GALM: variants seen among roughly 807,000 people sequenced by gnomAD.
The protein encoded by GALM is aldose 1-epimerase.
A neutral mutation model predicts 37.4 loss-of-function variants in GALM; 43 were observed. The ratio of observed to expected loss-of-function variants is 1.15; its 90% CI spans 0.90 to 1.48. The LOEUF (loss-of-function observed/expected upper bound fraction) is 1.48, where lower values mean the gene tolerates loss of function less well. GALM is among the 40% of genes most tolerant of loss of function. The pLI, the probability that GALM is intolerant of heterozygous loss-of-function variation, is 0.00. For missense variants in GALM, 456 were observed against 419.1 expected (o/e 1.09, Z -0.77); for synonymous variants, 199 against 170.6 (o/e 1.17, Z -1.30).
At chr2:38,689,055 G>T (rs927953181) in intron 3 of GALM, among the ~76,000 whole-genome samples, 4 of 152,186 alleles carry the variant, frequency 2.6e-5, no homozygotes, top group Non-Finnish European at 5.9e-5. Flanking sequence ...CCTGACCTCA[G>T]GTGATCCGCC....
chr2:38,675,526 G>GTTT lies in GALM; in HGVS notation c.191-370_191-368dup, dbSNP rs869119386. Among the ~76,000 whole-genome samples, 10 of 74,618 alleles carry GTTT rather than the reference G, an allele frequency of 1.3e-4. 1 individual carries two copies. Among genetic ancestry groups the GTTT allele is most frequent in the African/African-American group, 5.1e-4 (9 of 17,746 alleles). The allele number at this position is 74,618 out of a possible 152,430, so 49.0% of individuals were successfully genotyped here. A position where few individuals can be genotyped will look rare whatever the true frequency, so the allele number is the denominator to read the frequency against. ...ACACCTTTGGATTGAGGGTTTTTTT[G>GTTT]TTTTTTTTTTTTTTTTTTGTGTGTG... is the stretch of plus-strand genomic sequence containing the variant. On this transcript the variant is annotated intron_variant, in intron 1 of 6. Transcript: ENST00000272252.
At chr2:38,684,288 T>G (rs1183506469) in intron 3 of GALM, among the ~76,000 whole-genome samples, 3 of 152,192 alleles carry the variant, frequency 2.0e-5, no homozygotes, top group Non-Finnish European at 4.4e-5. Flanking sequence ...ATAAAAGGTA[T>G]GTAGGTTGCA....
intron 3 of GALM, among the ~76,000 whole-genome samples, chr2:38,685,740 C>T (rs548118431): frequency 6.6e-6 from 1 of 151,762 alleles, no homozygotes; most frequent in East Asian, 1.9e-4. Context: ...TTTTTTGAGA[C>T]GGAGTCTCAC....
In GALM at chr2:38,729,585, T is replaced by C; in HGVS notation, c.664T>C (p.Phe222Leu). The change falls in exon 5 of 7, where the codon TTC (phenylalanine) becomes CTC (leucine). Residue 222 changes from phenylalanine to leucine, a missense_variant. Phe to Leu is a conservative substitution (Grantham distance 22). Transcript: ENST00000272252. ...GEVAPVQGTA[F>L]DLRKPVELGK... ...AGTTGCCCCAGTGCAAGGCACTGCA[T>C]TCGACCTGAGAAAGCCAGTGGAGCT... 2 of 1,613,652 alleles carry C rather than the reference T, an allele frequency of 1.2e-6. No homozygotes were observed. The highest frequency in any genetic ancestry group is 4.5e-5 in the East Asian group (2 of 44,854).
In GALM at chr2:38,734,427, T is replaced by G. The variant is rs372608625; in HGVS notation, c.*862T>G. On this transcript the variant is annotated 3_prime_UTR_variant, in exon 7 of 7. Coordinates refer to ENST00000272252, the MANE Select transcript of GALM (RefSeq NM_138801.3). ...AAGGAAAAAAAAGCAGCTCTCTCTCTCGGGAGAGGGAGGGGACTTCCGAGA... is the reference window on the plus strand; with the variant it reads ...AAGGAAAAAAAAGCAGCTCTCTCTCGCGGGAGAGGGAGGGGACTTCCGAGA... 129 of 143,094 alleles carry G rather than the reference T, an allele frequency of 9.0e-4. No individual in the cohort carries two copies. The highest frequency in any genetic ancestry group is 3.1e-3 in the African/African-American group (119 of 38,300). The allele number at this position is 143,094 out of a possible 1,614,324, so 8.9% of individuals were successfully genotyped here.
intron 4 of GALM, among the ~76,000 whole-genome samples, chr2:38,718,501 A>G (rs919834749): frequency 1.3e-5 from 2 of 151,806 alleles, no homozygotes; most frequent in African/African-American, 2.4e-5. Context: ...TCCCGGCCCA[A>G]GTATTTCTTT....
intron 4 of GALM, among the ~76,000 whole-genome samples, chr2:38,710,353 A>G (rs1666124534): frequency 6.6e-6 from 1 of 152,194 alleles, no homozygotes. Context: ...GCCAGCACTC[A>G]GATGCTTCTG....
chr2:38,708,264 G>A (rs1430781338), intron 4 of GALM, among the ~76,000 whole-genome samples: 1 of 151,832 alleles, frequency 6.6e-6, no homozygotes, highest in African/African-American at 2.4e-5. Flanking sequence ...TCACGCCACT[G>A]CACTCCAGCT....
At chr2:38,701,258 C>T (rs943841399) in intron 4 of GALM, among the ~76,000 whole-genome samples, 2 of 152,152 alleles carry the variant, frequency 1.3e-5, no homozygotes, top group Admixed American at 1.3e-4. Flanking sequence ...AGCTGGGCAG[C>T]CTGCCCAGCA....
At chr2:38,705,297 G>T (rs1572531510) in intron 4 of GALM, among the ~76,000 whole-genome samples, 1 of 152,158 alleles carries the variant, frequency 6.6e-6, no homozygotes, top group East Asian at 1.9e-4. Context: ...CGGACCTGAT[G>T]TTAACTCAAG....
chr2:38,731,588 C>T lies in GALM; in HGVS notation c.777-147C>T, dbSNP rs115985514. 4,514 of 649,340 alleles carry T rather than the reference C, an allele frequency of 7.0e-3. 46 individuals are homozygous for T. The highest frequency in any genetic ancestry group is 0.023 in the South Asian group (1,191 of 52,614). The allele number at this position is 649,340 out of a possible 1,614,324, so 40.2% of individuals were successfully genotyped here. A position where few individuals can be genotyped will look rare whatever the true frequency, so the allele number is the denominator to read the frequency against. On this transcript the variant is annotated intron_variant, in intron 5 of 6. Coordinates refer to ENST00000272252, the MANE Select transcript of GALM (RefSeq NM_138801.3). ...CTTTGAGACTGGAAGAATTTTCCAT[C>T]ATGCTCTTCCTACCTTCATCTCCTC...
intron 4 of GALM, among the ~76,000 whole-genome samples, chr2:38,725,963 C>T (rs981474702): frequency 6.6e-6 from 1 of 152,046 alleles, no homozygotes; most frequent in African/African-American, 2.4e-5. Flanking sequence ...CCGCCCACCT[C>T]AGCCTCCCAA....
At chr2:38,718,740 G>C (rs1028029743) in intron 4 of GALM, among the ~76,000 whole-genome samples, 3 of 151,860 alleles carry the variant, frequency 2.0e-5, no homozygotes, top group African/African-American at 7.2e-5. Flanking sequence ...AGGATCTGTT[G>C]GGAAGGAAGA....
At chr2:38,717,306 AGTGTGT>A (rs56902027) in intron 4 of GALM, among the ~76,000 whole-genome samples, 7,662 of 143,686 alleles carry the variant, frequency 0.053, 361 homozygotes, top group African/African-American at 0.13. Context: ...GTATTAAGGG[AGTGTGT>A]GTGTGTGTGT....
At chr2:38,696,582 T>C (rs888710022) in intron 4 of GALM, among the ~76,000 whole-genome samples, 3 of 151,570 alleles carry the variant, frequency 2.0e-5, no homozygotes, top group Non-Finnish European at 4.4e-5. Context: ...CAGGTGCACA[T>C]CACCATACCC....
chr2:38,681,968 C>T (rs890401148), intron 3 of GALM, among the ~76,000 whole-genome samples: 2 of 152,208 alleles, frequency 1.3e-5, no homozygotes, highest in African/African-American at 4.8e-5. Flanking sequence ...TGCGCAGTAC[C>T]GTGGAAAGAG....
chr2:38,710,389 G>A (rs1229016864), intron 4 of GALM, among the ~76,000 whole-genome samples: 1 of 152,140 alleles, frequency 6.6e-6, no homozygotes, highest in Non-Finnish European at 1.5e-5. Context: ...TGTGCATCTT[G>A]GGTCAACATG....
At chr2:38,701,839 T>C (rs2043188) in intron 4 of GALM, among the ~76,000 whole-genome samples, 34,864 of 152,138 alleles carry the variant, frequency 0.23, 4,758 homozygotes, top group Non-Finnish European at 0.3. Flanking sequence ...TGGGTGTTAA[T>C]CTTTCTGGAG....
intron 4 of GALM, among the ~76,000 whole-genome samples, chr2:38,728,306 A>T (rs1013606086): frequency 7.2e-5 from 11 of 151,970 alleles, no homozygotes; most frequent in Admixed American, 6.6e-4. Context: ...AGGTGGGAGA[A>T]TCACTTGAAC....
Sources: allele counts gnomAD v4.1 joint callset (sites outside exome capture counted in the v4.1 genomes callset), GRCh38; gene constraint gnomAD v4.1.1; transcripts MANE v1.5; gene names NCBI Gene and HGNC (gene_info 2026-07-23, HGNC 2026-07-21).